The following ALDH6A1 variants were observed in gnomAD, a reference collection of about 807,000 sequenced individuals.
The protein encoded by ALDH6A1 is methylmalonate-semialdehyde/malonate-semialdehyde dehydrogenase [acylating], mitochondrial.
Under a neutral mutation model 62.6 loss-of-function variants are expected in ALDH6A1, and 43 were observed. The ratio of observed to expected loss-of-function variants is 0.69; its 90% CI spans 0.54 to 0.89. ALDH6A1 has a LOEUF of 0.89. Ranked by LOEUF, ALDH6A1 falls within the 40% of genes least tolerant of loss-of-function variation. The probability of loss-of-function intolerance (pLI) is 0.00; values close to 1 mark genes in which losing one functional copy is unlikely to be tolerated. For synonymous variants in ALDH6A1, 194 were observed against 234.2 expected (o/e 0.83, Z 1.57); for missense variants, 551 against 661.3 (o/e 0.83, Z 1.83).
In ALDH6A1 at chr14:74,057,030, C is replaced by T; in HGVS notation, c.*3612G>A. 1 of 1,582,752 alleles carries T rather than the reference C, an allele frequency of 6.3e-7. No individual in the cohort carries two copies. The highest frequency in any genetic ancestry group is 8.7e-7 in the Non-Finnish European group (1 of 1,155,944). Reference sequence around the variant, plus strand: ...TAAACATGAGCCCAACACGATGGTTCTTGTGGGCATCTTGAATGTGCTAAT... The same window carrying T: ...TAAACATGAGCCCAACACGATGGTTTTTGTGGGCATCTTGAATGTGCTAAT... On this transcript the variant is annotated 3_prime_UTR_variant, in exon 12 of 12. Coordinates refer to ENST00000553458, the MANE Select transcript of ALDH6A1 (RefSeq NM_005589.4).
intron 1 of ALDH6A1, among the ~76,000 whole-genome samples, chr14:74,077,104 A>G (rs2060621119): frequency 6.6e-6 from 1 of 152,034 alleles, no homozygotes; most frequent in Admixed American, 6.6e-5. Flanking sequence ...TCTATTCCCT[A>G]CCAAAGCCAT....
Position 74,057,625 on chromosome 14 carries a change from C to T in ALDH6A1, c.*3017G>A. 1.5e-6 allele frequency: 2 copies of T among 1,336,298 alleles called. No individual in the cohort carries two copies. Among genetic ancestry groups the T allele is most frequent in the Non-Finnish European group, 2.0e-6 (2 of 1,024,912 alleles). The allele number at this position is 1,336,298 out of a possible 1,614,324, so 82.8% of individuals were successfully genotyped here. On this transcript the variant is annotated 3_prime_UTR_variant, in exon 12 of 12. Transcript: ENST00000553458. ...GTCATTACAACCTAGAGGACAAAGG[C>T]TTATAAGGAGATATGAAATGATTTT...
intron 1 of ALDH6A1, chr14:74,080,936 C>T (rs1156412555): frequency 3.3e-5 from 5 of 152,260 alleles, no homozygotes; most frequent in Admixed American, 3.3e-4. Flanking sequence ...ACATAACTGG[C>T]TACTTTCCTC....
chr14:74,067,321 C>G (rs1595118760), intron 8 of ALDH6A1, 59 bp downstream of exon 8: 1 of 1,596,724 alleles, frequency 6.3e-7, no homozygotes, highest in East Asian at 2.2e-5. Context: ...AGTGACAGAA[C>G]CCAAGAGCTT....
chr14:74,056,973 G>T lies in ALDH6A1; in HGVS notation c.*3669C>A. On this transcript the variant is annotated 3_prime_UTR_variant, in exon 12 of 12. Transcript: ENST00000553458. ...TGTTTCTGACAGTGGGGAAACAAAG[G>T]AATTTGGGTAAGAGCTCTCTTGCTT... The T allele has an allele frequency of 6.2e-7, 1 of 1,613,418 alleles. No individual in the cohort carries two copies. The highest frequency in any genetic ancestry group is 1.1e-5 in the South Asian group (1 of 91,044).
At chr14:74,075,578 G>A (rs1372122844) in intron 1 of ALDH6A1, among the ~76,000 whole-genome samples, 1 of 151,952 alleles carries the variant, frequency 6.6e-6, no homozygotes, top group Non-Finnish European at 1.5e-5. Flanking sequence ...GATTGCTTCA[G>A]CCCGGGAGGG....
At chr14:74,071,698 T>C in intron 5 of ALDH6A1, 198 bp downstream of exon 5, 1 of 1,486,630 alleles carries the variant, frequency 6.7e-7, no homozygotes, top group Admixed American at 2.1e-5. Flanking sequence ...ATATACCCAC[T>C]GGAAGATCAT....
chr14:74,074,649 T>C (rs1322111874), intron 2 of ALDH6A1, among the ~76,000 whole-genome samples: 1 of 152,112 alleles, frequency 6.6e-6, no homozygotes, highest in Non-Finnish European at 1.5e-5. Flanking sequence ...ATTTGAGCAA[T>C]AGTCCTTATT....
In ALDH6A1 at chr14:74,057,124, T is replaced by G; in HGVS notation, c.*3518A>C. ...GTGTGTAGAGTTGTTGACGGTTCTG[T>G]TATTTTGTCATTATTGCAGGGATGA... On this transcript the variant is annotated 3_prime_UTR_variant, in exon 12 of 12. Transcript: ENST00000553458. The G allele has an allele frequency of 6.2e-7, 1 of 1,606,048 alleles. No individual in the cohort carries two copies. Among genetic ancestry groups the G allele is most frequent in the Non-Finnish European group, 8.5e-7 (1 of 1,175,028 alleles).
At chr14:74,071,580 G>A in intron 5 of ALDH6A1, 83 bp from the exon 6 acceptor site, 1 of 1,608,636 alleles carries the variant, frequency 6.2e-7, no homozygotes, top group Non-Finnish European at 8.5e-7. Flanking sequence ...CTGAGGACAG[G>A]AAGTGGTTCA....
rs1595125550 is a variant in ALDH6A1, at chr14:74,071,749, A to G, written c.427+147T>C. ...AGTAAATCAGTCTTAGGGATACTGA[A>G]TACTGCCATTTTTCACAAGTATTAA... On this transcript the variant is annotated intron_variant, in intron 5 of 11. Transcript: ENST00000553458. 5.5e-6 allele frequency: 8 copies of G among 1,442,852 alleles called. No individual in the cohort carries two copies. In the East Asian group the frequency reaches 1.9e-4, roughly 34 times the overall value. The allele number at this position is 1,442,852 out of a possible 1,614,324, so 89.4% of individuals were successfully genotyped here.
chr14:74,066,618 T>A (rs2060470369), intron 9 of ALDH6A1, 87 bp downstream of exon 9: 1 of 1,294,198 alleles, frequency 7.7e-7, no homozygotes, highest in African/African-American at 1.5e-5. Flanking sequence ...AGTCATTAAG[T>A]ATTTTCATTA....
At chr14:74,071,659 C>T in intron 5 of ALDH6A1, 162 bp from the exon 6 acceptor site, 1 of 1,529,466 alleles carries the variant, frequency 6.5e-7, no homozygotes, top group Non-Finnish European at 8.8e-7. Flanking sequence ...AAATGAGATT[C>T]TCTGAATGGG....
In ALDH6A1 at chr14:74,066,750, A is replaced by G. The variant is rs1251028866; in HGVS notation, c.1179T>C (p.Tyr393=). 6.2e-7 allele frequency: 1 copy of G among 1,614,074 alleles called. No individual in the cohort carries two copies. Among genetic ancestry groups the G allele is most frequent in the Admixed American group, 1.7e-5 (1 of 59,984 alleles). Residue 393 remains tyrosine, a synonymous_variant, in exon 9 of 12, where the codon TAT becomes TAC. Coordinates refer to ENST00000553458, the MANE Select transcript of ALDH6A1 (RefSeq NM_005589.4). ...LDGRKIKVKG[Y]ENGNFVGPTI... The stretch of plus-strand genomic sequence containing the variant: ...TTGGTCCAACAAAGTTGCCATTTTC[A>G]TAGCCTTTCACTTTAATTTTTCGTC...
At chr14:74,066,212 G>A (rs2060462108) in intron 9 of ALDH6A1, 1 of 187,282 alleles carries the variant, frequency 5.3e-6, no homozygotes, top group African/African-American at 2.4e-5. Flanking sequence ...ACCAGTATAA[G>A]ATAAGATAGC....
rs900541857 is a variant in ALDH6A1, at chr14:74,078,310, G to T, written c.49-3293C>A. 4 of 454,334 alleles carry T rather than the reference G, an allele frequency of 8.8e-6. No individual in the cohort carries two copies. In the East Asian group the frequency reaches 2.1e-4, roughly 24 times the overall value. The allele number at this position is 454,334 out of a possible 1,614,324, so 28.1% of individuals were successfully genotyped here. A position where few individuals can be genotyped will look rare whatever the true frequency, so the allele number is the denominator to read the frequency against. On this transcript the variant is annotated intron_variant, in intron 1 of 11. Transcript: ENST00000553458. ...CAAGCTCCATGCAGGAAAAGTGACC[G>T]AGACAGTGGTGCACGATCAATATAT...
intron 1 of ALDH6A1, among the ~76,000 whole-genome samples, chr14:74,082,393 G>GTTTTT (rs869211328): frequency 2.1e-4 from 16 of 77,604 alleles, no homozygotes; most frequent in East Asian, 5.7e-4. Context: ...CAAAATCGAG[G>GTTTTT]TTTTTTTTTT....
rs550542647 is a variant in ALDH6A1 at position 74,056,898 on chromosome 14, C to G, written c.*3744G>C. 3 of 1,602,554 alleles carry G rather than the reference C, an allele frequency of 1.9e-6. No individual in the cohort carries two copies. The highest frequency in any genetic ancestry group is 2.7e-5 in the African/African-American group (2 of 74,776). ...TTCATTATCTTTGTTGACTTTTACCCACTACAGGAAATACAACCAGAGTTC... is the reference window on the plus strand; with the variant it reads ...TTCATTATCTTTGTTGACTTTTACCGACTACAGGAAATACAACCAGAGTTC... On this transcript the variant is annotated 3_prime_UTR_variant, in exon 12 of 12. Coordinates refer to ENST00000553458, the MANE Select transcript of ALDH6A1 (RefSeq NM_005589.4).
In ALDH6A1 at chr14:74,077,267, G is replaced by A. The variant is rs369342048; in HGVS notation, c.49-2250C>T. Among the ~76,000 whole-genome samples, 15 of 152,218 alleles carry A rather than the reference G, an allele frequency of 9.9e-5. No individual in the cohort carries two copies. The South Asian group carries it at 2.9e-3, about 30-fold the overall frequency. ...CCTGTCTGCTTCCTACCCCAAACTA[G>A]GTTAAGAGGCCCTTTTTTGTCCTCT... On this transcript the variant is annotated intron_variant, in intron 1 of 11. Transcript: ENST00000553458.
Sources: gnomAD v4.1 joint callset for allele counts (sites outside exome capture counted in the v4.1 genomes callset) on GRCh38, gnomAD v4.1.1 for gene constraint, MANE v1.5 for transcripts, NCBI Gene and HGNC (gene_info 2026-07-23, HGNC 2026-07-21) for gene names.